The following RASEF variants were observed in gnomAD, a reference collection of about 807,000 sequenced individuals.
RASEF encodes RAS and EF-hand domain containing.
RASEF carries 68 observed loss-of-function variants against 90.1 expected under a neutral mutation model. That is an observed-to-expected ratio of 0.75 (90% CI 0.62 to 0.92). The LOEUF (loss-of-function observed/expected upper bound fraction) is 0.92. RASEF is among the 40% of genes least tolerant of loss of function. RASEF has a pLI of 0.00. For synonymous variants in RASEF, 331 were observed against 345.2 expected (o/e 0.96, Z 0.46); for missense variants, 949 against 937.2 (o/e 1.01, Z -0.16).
At chr9:83,186,283 T>C in the RASEF span, among the ~76,000 whole-genome samples, 1 of 152,102 alleles carries the variant, frequency 6.6e-6, no homozygotes, top group African/African-American at 2.4e-5. Context: ...AAAAGCAAAG[T>C]AATCTAAATT....
the RASEF span, among the ~76,000 whole-genome samples, chr9:83,070,810 A>G: frequency 3.9e-5 from 6 of 152,172 alleles, no homozygotes; most frequent in Non-Finnish European, 7.4e-5. Flanking sequence ...AACAATGTTG[A>G]GTAGGTTATG....
chr9:83,052,296 T>C (rs1453607369), intron 1 of RASEF, among the ~76,000 whole-genome samples: 1 of 141,582 alleles, frequency 7.1e-6, no homozygotes, highest in African/African-American at 2.9e-5. Flanking sequence ...TCGAGGAATG[T>C]ATCCATTTCT....
At chr9:83,074,246 G>C in the RASEF span, among the ~76,000 whole-genome samples, 1 of 152,116 alleles carries the variant, frequency 6.6e-6, no homozygotes, top group Non-Finnish European at 1.5e-5. Flanking sequence ...AGATTATCTG[G>C]AGTGGATACA....
chr9:83,043,215 C>CT (rs1829870264), intron 1 of RASEF, among the ~76,000 whole-genome samples: 1 of 152,136 alleles, frequency 6.6e-6, no homozygotes, highest in Admixed American at 6.5e-5. Flanking sequence ...CTGGATAAAT[C>CT]AATTGCGGTA....
At chr9:83,114,940 C>T in the RASEF span, among the ~76,000 whole-genome samples, 6 of 152,298 alleles carry the variant, frequency 3.9e-5, no homozygotes, top group African/African-American at 1.2e-4. Context: ...CTGTGACCCA[C>T]ATCCTATTCA....
intron 12 of RASEF, among the ~76,000 whole-genome samples, chr9:82,999,242 T>C (rs557774117): frequency 1.3e-5 from 2 of 152,332 alleles, no homozygotes; most frequent in South Asian, 4.1e-4. Flanking sequence ...TACTACTTGT[T>C]CTATTGTTCT....
intron 6 of RASEF, among the ~76,000 whole-genome samples, chr9:83,008,331 C>A (rs911328355): frequency 1.3e-4 from 20 of 152,126 alleles, no homozygotes; most frequent in Admixed American, 1.1e-3. Flanking sequence ...TCTATGATAA[C>A]CTTAAACTAG....
Position 83,005,398 on chromosome 9 carries a change from T to C in RASEF, c.1113+18A>G, listed in dbSNP as rs774570264. The C allele has an allele frequency of 1.9e-6, 3 of 1,566,732 alleles. No individual in the cohort carries two copies. The highest frequency in any genetic ancestry group is 1.7e-4 in the Middle Eastern group (1 of 5,970). ...CCACTAGAAAGAATGAAATACATGG[T>C]AAAACTATGTGGCATACCAAAGATC... On this transcript the variant is annotated intron_variant, in intron 8 of 16. Transcript: ENST00000376447.
At chr9:82,991,540 A>G (rs1828814756) in intron 15 of RASEF, among the ~76,000 whole-genome samples, 1 of 152,184 alleles carries the variant, frequency 6.6e-6, no homozygotes, top group Non-Finnish European at 1.5e-5. Flanking sequence ...CTTGCTCTAG[A>G]ACAGGGAGAA....
At chr9:83,087,012 G>A in the RASEF span, among the ~76,000 whole-genome samples, 8 of 152,048 alleles carry the variant, frequency 5.3e-5, no homozygotes, top group African/African-American at 1.7e-4. Context: ...AGTTGGCTGC[G>A]AAAAAGGATA....
chr9:83,150,897 T>C, the RASEF span, among the ~76,000 whole-genome samples: 11 of 152,226 alleles, frequency 7.2e-5, no homozygotes, highest in Non-Finnish European at 1.5e-4. Flanking sequence ...AAAATCATCA[T>C]GAACTTAACT....
chr9:83,005,500 T>A lies in RASEF; in HGVS notation c.1029A>T (p.Gln343His), dbSNP rs1355373160. Residue 343 changes from glutamine to histidine, a missense_variant and splice_region_variant, in exon 8 of 17, where the codon CAA (glutamine) becomes CAT (histidine). Gln to His is a conservative substitution (Grantham distance 24, BLOSUM62 0). Around this residue, in one of 3 missense-constraint regions of RASEF, gnomAD observed 656 missense variants for 592.2 expected, o/e 1.11. Transcript: ENST00000376447. The part of the protein sequence containing the change: ...NSLERQIEIL[Q>H]TANRKLHDSN... ...TGTCATGTAGCTTCCGGTTAGCTGT[T>A]CTGCAGGGTAAAGAAACAAGCAGAA... 4 of 1,612,662 alleles carry A rather than the reference T, an allele frequency of 2.5e-6. No homozygotes were observed. Among genetic ancestry groups the A allele is most frequent in the African/African-American group, 1.3e-5 (1 of 75,038 alleles).
the RASEF span, among the ~76,000 whole-genome samples, chr9:83,211,483 C>T: frequency 8.1e-4 from 124 of 152,154 alleles, 1 homozygote; most frequent in Admixed American, 2.2e-3. Context: ...AGTCAAAGAA[C>T]GAGAAGACTC....
At chr9:83,036,443 T>C (rs1444777659) in intron 1 of RASEF, among the ~76,000 whole-genome samples, 17 of 152,248 alleles carry the variant, frequency 1.1e-4, no homozygotes. Context: ...AGAAGTTGGA[T>C]AGGCCTGCCT....
chr9:83,137,685 G>T, the RASEF span, among the ~76,000 whole-genome samples: 3 of 151,818 alleles, frequency 2.0e-5, no homozygotes, highest in Non-Finnish European at 4.4e-5. Context: ...ATATGGAAAC[G>T]CATGAAAAGG....
At chr9:83,189,724 G>T in the RASEF span, among the ~76,000 whole-genome samples, 2 of 152,132 alleles carry the variant, frequency 1.3e-5, no homozygotes, top group South Asian at 4.1e-4. Flanking sequence ...CTCAATTCTG[G>T]AATAAATCTG....
chr9:83,205,329 C>T, the RASEF span, among the ~76,000 whole-genome samples: 1 of 152,262 alleles, frequency 6.6e-6, no homozygotes, highest in African/African-American at 2.4e-5. Flanking sequence ...GATAAGCAAG[C>T]CATACATTTT....
the RASEF span, among the ~76,000 whole-genome samples, chr9:83,139,418 A>G: frequency 5.9e-5 from 9 of 152,206 alleles, no homozygotes; most frequent in African/African-American, 2.2e-4. Context: ...CAGAAGCCTT[A>G]CTGATAACAT....
At chr9:83,119,172 ATTTT>A in the RASEF span, among the ~76,000 whole-genome samples, 20 of 119,400 alleles carry the variant, frequency 1.7e-4, 1 homozygote, top group African/African-American at 4.1e-4. Context: ...CATGCGGGCT[ATTTT>A]TTTTTTTTTT....
Sources: allele counts gnomAD v4.1 joint callset (sites outside exome capture counted in the v4.1 genomes callset), GRCh38; gene constraint gnomAD v4.1.1; regional missense constraint gnomAD v4.1.1; transcripts MANE v1.5; gene names NCBI Gene and HGNC (gene_info 2026-07-23, HGNC 2026-07-21).